The following TRIM24 variants were observed in gnomAD, a reference collection of about 807,000 sequenced individuals.
TRIM24 encodes the protein tripartite motif containing 24, also known as transcription intermediary factor 1-alpha.
Under a neutral mutation model 123.9 loss-of-function variants are expected in TRIM24, and 29 were observed. The ratio of observed to expected loss-of-function variants is 0.23; its 90% confidence interval spans 0.17 to 0.32. The LOEUF (loss-of-function observed/expected upper bound fraction) is 0.32, where lower values mean the gene tolerates loss of function less well. Ranked by LOEUF, TRIM24 falls within the 10% of genes least tolerant of loss-of-function variation. The pLI is 1.00. For missense variants in TRIM24, 932 were observed against 1,295.3 expected, an observed-to-expected ratio of 0.72 and a Z score of 4.31; for synonymous variants, 456 against 461.1, an observed-to-expected ratio of 0.99 and a Z score of 0.14.
rs750956455 is a variant in TRIM24, at chr7:138,504,447, CTTTTTTTTTTTT to C, written c.483+54_483+65del. 60 of 155,210 alleles carry C rather than the reference CTTTTTTTTTTTT, an allele frequency of 3.9e-4. No homozygotes were observed. In the South Asian group the frequency reaches 6.7e-3, roughly 17 times the overall value. 9.6% of individuals were successfully genotyped at this position (155,210 alleles called of 1,614,324 possible). ...ATCTTGAACCTTTTGCCTGCCAGCT[CTTTTTTTTTTTT>C]TTTTTTTTTTTTTTGAGACAGAGTC... On this transcript the variant is annotated intron_variant, in intron 2 of 18. Coordinates refer to ENST00000343526, the MANE Select transcript of TRIM24 (RefSeq NM_015905.3).
intron 2 of TRIM24, among the ~76,000 whole-genome samples, chr7:138,511,041 C>T (rs531472554): frequency 1.3e-5 from 2 of 152,244 alleles, no homozygotes; most frequent in Admixed American, 6.5e-5. Context: ...CATCCCACTC[C>T]ATCCCATCTG....
Position 138,493,990 on chromosome 7 carries a change from A to ATTC in TRIM24, c.365-10298_365-10297insCTT, listed in dbSNP as rs1038442282. Among the ~76,000 whole-genome samples the ATTC allele has an allele frequency of 2.6e-5, 4 of 151,888 alleles. No individual in the cohort carries two copies. In the East Asian group the frequency reaches 7.7e-4, roughly 29 times the overall value. On this transcript the variant is annotated intron_variant, in intron 1 of 18. Transcript: ENST00000343526. ...TGTTGTTGTTGTTGTTATTATTATT[A>ATTC]TTATTTTGGAGATGGAGTTTCACTC...
chr7:138,475,148 T>C (rs1185335902), intron 1 of TRIM24, among the ~76,000 whole-genome samples: 1 of 152,172 alleles, frequency 6.6e-6, no homozygotes, highest in Non-Finnish European at 1.5e-5. Flanking sequence ...ATATTACTAC[T>C]TTAAATAGAT....
At chr7:138,492,578 T>A (rs1376898788) in intron 1 of TRIM24, among the ~76,000 whole-genome samples, 1 of 152,154 alleles carries the variant, frequency 6.6e-6, no homozygotes, top group African/African-American at 2.4e-5. Context: ...ATGACCAGAA[T>A]CAACTTGCAG....
intron 2 of TRIM24, among the ~76,000 whole-genome samples, chr7:138,508,483 T>G (rs1031527822): frequency 7.9e-5 from 12 of 152,192 alleles, no homozygotes; most frequent in African/African-American, 2.9e-4. Flanking sequence ...ATTCTATTAT[T>G]CCTCTTTATT....
In TRIM24 at chr7:138,579,458, A is replaced by G. The variant is rs762008903; in HGVS notation, c.2511A>G (p.Glu837=). The G allele has an allele frequency of 4.3e-6, 7 of 1,613,866 alleles. No individual in the cohort carries two copies. The highest frequency in any genetic ancestry group is 3.3e-5 in the Admixed American group (2 of 59,980). Residue 837 remains glutamate (E), a synonymous_variant, in exon 15 of 19, where the codon GAA becomes GAG. Coordinates refer to ENST00000343526, the MANE Select transcript of TRIM24 (RefSeq NM_015905.3). The part of the protein sequence containing the change: ...DWCAVCQNGG[E]LLCCEKCPKV... ...GTGCAGTTTGTCAAAACGGAGGGGA[A>G]CTCCTCTGCTGTGAAAAGTGCCCCA...
At chr7:138,579,571 A>C in intron 15 of TRIM24, 39 bp downstream of exon 15, 1 of 1,494,934 alleles carries the variant, frequency 6.7e-7, no homozygotes, top group Non-Finnish European at 9.0e-7. Context: ...TTTTACTGTA[A>C]ACTTTTGAAG....
Position 138,519,341 on chromosome 7 carries a change from T to G in TRIM24, c.764+20T>G, listed in dbSNP as rs1171886500. ...GCATAGGTACCAGCATCTTTGGTTA[T>G]ATATATAGATTCATATGCAGCTTTA... On this transcript the variant is annotated intron_variant, in intron 4 of 18. Coordinates refer to ENST00000343526, the MANE Select transcript of TRIM24 (RefSeq NM_015905.3). 6.3e-7 allele frequency: 1 copy of G among 1,581,290 alleles called. No homozygotes were observed. The highest frequency in any genetic ancestry group is 1.4e-5 in the African/African-American group (1 of 73,352).
chr7:138,537,379 G>GTTTTTTTTTTTT lies in TRIM24; in HGVS notation c.997-1260_997-1249dup. ...AACCACTCCTCCGCCACCCCTGTTT[G>GTTTTTTTTTTTT]TTTTTTTTTTTTTTTTTTTTTTTTT... On this transcript the variant is annotated intron_variant, in intron 6 of 18. Coordinates refer to ENST00000343526, the MANE Select transcript of TRIM24 (RefSeq NM_015905.3). 1.3e-3 allele frequency among the ~76,000 whole-genome samples: 74 copies of GTTTTTTTTTTTT among 56,636 alleles called. 14 individuals carry two copies. Among genetic ancestry groups the GTTTTTTTTTTTT allele is most frequent in the Non-Finnish European group, 1.5e-3 (49 of 32,626 alleles). The allele number at this position is 56,636 out of a possible 152,430, so 37.2% of individuals were successfully genotyped here.
chr7:138,568,438 G>A (rs1422108229), intron 10 of TRIM24, among the ~76,000 whole-genome samples: 2 of 124,626 alleles, frequency 1.6e-5, no homozygotes, highest in Non-Finnish European at 3.2e-5. Context: ...TCAGGCTAGA[G>A]TACAGTGGCA....
At chr7:138,500,640 A>G (rs1796017437) in intron 1 of TRIM24, among the ~76,000 whole-genome samples, 1 of 151,720 alleles carries the variant, frequency 6.6e-6, no homozygotes, top group Non-Finnish European at 1.5e-5. Flanking sequence ...TTGGGAGGCC[A>G]AGGCAGGAGG....
At position 138,560,032 on chromosome 7, in the gene TRIM24, T is replaced by C. The variant is rs576991592; in HGVS notation, c.1530+5066T>C. 3.9e-5 allele frequency among the ~76,000 whole-genome samples: 6 copies of C among 152,290 alleles called. No individual in the cohort carries two copies. In the South Asian group the frequency reaches 6.2e-4, roughly 16 times the overall value. On this transcript the variant is annotated intron_variant, in intron 9 of 18. Coordinates refer to ENST00000343526, the MANE Select transcript of TRIM24 (RefSeq NM_015905.3). ...AGGTCACCTTTAATTTGACCTATGA[T>C]TGGGGATGGCCAACCGAACAAGATC...
At chr7:138,504,587 C>A (rs71541394) in intron 2 of TRIM24, among the ~76,000 whole-genome samples, 179 bp downstream of exon 2, 6 of 151,682 alleles carry the variant, frequency 4.0e-5, no homozygotes, top group South Asian at 4.2e-4. Flanking sequence ...CTCAGCCTCC[C>A]GAGTAGCTGG....
rs1378635189 is a variant in TRIM24 at position 138,586,595 on chromosome 7, G to A, written c.*1644G>A. On this transcript the variant is annotated 3_prime_UTR_variant, in exon 19 of 19. Transcript: ENST00000343526. The stretch of plus-strand genomic sequence containing the variant: ...AGTCCTACTCACTTTTCAAATATGT[G>A]TTACATGGTAATGTTTGTCATTGTT... 1 of 152,178 alleles carries A rather than the reference G, an allele frequency of 6.6e-6. No homozygotes were observed. The highest frequency in any genetic ancestry group is 2.4e-5 in the African/African-American group (1 of 41,458). 9.4% of individuals were successfully genotyped at this position (152,178 alleles called of 1,614,324 possible).
intron 7 of TRIM24, among the ~76,000 whole-genome samples, chr7:138,547,937 C>T (rs1021656338): frequency 1.3e-5 from 2 of 152,200 alleles, no homozygotes; most frequent in African/African-American, 4.8e-5. Context: ...AGCCACCGTG[C>T]CTGGCCTATA....
At chr7:138,486,551 A>G (rs1795652125) in intron 1 of TRIM24, among the ~76,000 whole-genome samples, 1 of 152,240 alleles carries the variant, frequency 6.6e-6, no homozygotes, top group South Asian at 2.1e-4. Flanking sequence ...AGCTTTCTAC[A>G]TATGGCTAGC....
intron 3 of TRIM24, among the ~76,000 whole-genome samples, chr7:138,515,938 A>G (rs1273983510): frequency 6.6e-6 from 1 of 152,304 alleles, no homozygotes; most frequent in Non-Finnish European, 1.5e-5. Flanking sequence ...ACATTGTGCA[A>G]CCATCACTAC....
intron 1 of TRIM24, among the ~76,000 whole-genome samples, chr7:138,480,502 T>C (rs1795502827): frequency 6.6e-6 from 1 of 152,244 alleles, no homozygotes; most frequent in African/African-American, 2.4e-5. Context: ...CATTCTGTTA[T>C]TGCTGTGTAT....
intron 14 of TRIM24, among the ~76,000 whole-genome samples, chr7:138,578,034 A>ACGG (rs1554445241): frequency 6.6e-6 from 1 of 152,030 alleles, no homozygotes; most frequent in Non-Finnish European, 1.5e-5. Context: ...AACCCCCAGT[A>ACGG]CAGCAGCAGC....
Sources: gnomAD v4.1 joint callset for allele counts (sites outside exome capture counted in the v4.1 genomes callset) on GRCh38, gnomAD v4.1.1 for gene constraint, MANE v1.5 for transcripts, NCBI Gene and HGNC (gene_info 2026-07-23, HGNC 2026-07-21) for gene names.